Variants in NLRP5 observed in about 807,000 individuals in gnomAD.
NLRP5 encodes the protein NLR family pyrin domain containing 5, also known as NACHT, LRR and PYD domains-containing protein 5.
A neutral mutation model predicts 113.1 loss-of-function variants in NLRP5; 93 were observed. The observed-to-expected ratio is 0.82, with a 90% CI of 0.70 to 0.98. The LOEUF (loss-of-function observed/expected upper bound fraction) is 0.98. Among genes scored for constraint, NLRP5 ranks in the 50% least tolerant of loss-of-function variants. The pLI is 0.00. For missense variants in NLRP5, 1,808 were observed against 1,514.3 expected, an observed-to-expected ratio of 1.19 and a Z score of -3.22; for synonymous variants, 751 against 600.7, an observed-to-expected ratio of 1.25 and a Z score of -3.66.
At chr19:56,009,726 G>A (rs1262665467) in intron 3 of NLRP5, among the ~76,000 whole-genome samples, 6 of 152,122 alleles carry the variant, frequency 3.9e-5, no homozygotes, top group East Asian at 1.9e-4. Context: ...TGCTACCTGC[G>A]CCGCTACCAT....
chr19:56,001,404 C>T (rs1021154220), intron 1 of NLRP5, among the ~76,000 whole-genome samples: 2 of 151,742 alleles, frequency 1.3e-5, no homozygotes, highest in African/African-American at 4.8e-5. Flanking sequence ...TCTTGTCTCC[C>T]ACCTCTACCC....
At chr19:56,007,869 T>TTGTGTG (rs140570438) in intron 2 of NLRP5, among the ~76,000 whole-genome samples, 2,449 of 85,952 alleles carry the variant, frequency 0.028, 435 homozygotes, top group Non-Finnish European at 0.042. Flanking sequence ...ACAAGACAGT[T>TTGTGTG]TGTGTGTGTG....
At chr19:55,991,160 ATCTTGTC>A in the NLRP5 span, among the ~76,000 whole-genome samples, 1 of 152,114 alleles carries the variant, frequency 6.6e-6, no homozygotes, top group South Asian at 2.1e-4. Context: ...TTAATCTGTC[ATCTTGTC>A]TCTTTTATAC....
chr19:56,027,889 G>A lies in NLRP5; in HGVS notation c.1656G>A (p.Met552Ile), dbSNP rs761012006. Residue 552 changes from methionine (M) to isoleucine (I), a missense_variant, in exon 7 of 15, where the codon ATG becomes ATA. Coordinates refer to ENST00000390649, the MANE Select transcript of NLRP5 (RefSeq NM_153447.4). The stretch of plus-strand genomic sequence containing the variant: ...CAGTGTTTGACGGTGACGACCTCAT[G>A]GTTCAAGGACTCGGGGAGTCTGAGC... 2 of 1,613,904 alleles carry A rather than the reference G, an allele frequency of 1.2e-6. No homozygotes were observed. Among genetic ancestry groups the A allele is most frequent in the Middle Eastern group, 1.6e-4 (1 of 6,062 alleles).
chr19:56,043,453 T>G (rs1983593923), intron 11 of NLRP5, among the ~76,000 whole-genome samples: 1 of 151,962 alleles, frequency 6.6e-6, no homozygotes, highest in Non-Finnish European at 1.5e-5. Context: ...GATTGTTTTT[T>G]CTTGGATTTG....
upstream of NLRP5, among the ~76,000 whole-genome samples, chr19:55,998,706 G>GTATATATATATA (rs1388437988): frequency 5.1e-4 from 16 of 31,310 alleles, no homozygotes; most frequent in African/African-American, 1.1e-3. Flanking sequence ...ATATATATGT[G>GTATATATATATA]TGTGTGTGTA....
At chr19:56,019,992 G>A (rs1424037328) in intron 5 of NLRP5, among the ~76,000 whole-genome samples, 7 of 151,820 alleles carry the variant, frequency 4.6e-5, no homozygotes, top group South Asian at 2.1e-4. Context: ...ACCTGCCACT[G>A]TGCCCGACTA....
the NLRP5 span, chr19:55,987,946 G>T: frequency 6.6e-7 from 1 of 1,507,298 alleles, no homozygotes; most frequent in South Asian, 1.1e-5. Context: ...GGGCTTGATT[G>T]ATCAGTTCCC....
At chr19:55,987,837 T>A in the NLRP5 span, 5 of 1,613,850 alleles carry the variant, frequency 3.1e-6, no homozygotes, top group Middle Eastern at 6.6e-4. Context: ...TGGACTCGAA[T>A]AACTAGCTTC....
chr19:56,061,281 C>G (rs1217541096), intron 14 of NLRP5, 115 bp from the exon 15 acceptor site: 1 of 1,120,694 alleles, frequency 8.9e-7, no homozygotes, highest in Non-Finnish European at 1.3e-6. Flanking sequence ...GGGGCACGTT[C>G]CTTAAGAGTA....
rs368107467 is a variant in NLRP5 at position 55,999,822 on chromosome 19, C to T, written c.62+35C>T. On this transcript the variant is annotated intron_variant, in intron 1 of 14. Coordinates refer to ENST00000390649, the MANE Select transcript of NLRP5 (RefSeq NM_153447.4). The stretch of plus-strand genomic sequence containing the variant: ...CTCTTAGAGTTACCTATGAGGAAAC[C>T]GACCCTCAGCCTTGGTACCATGACA... 48 of 1,523,140 alleles carry T rather than the reference C, an allele frequency of 3.2e-5. No individual in the cohort carries two copies. The Middle Eastern group carries it at 8.6e-4, about 27-fold the overall frequency. The allele number at this position is 1,523,140 out of a possible 1,614,324, so 94.4% of individuals were successfully genotyped here. A position where few individuals can be genotyped will look rare whatever the true frequency, so the allele number is the denominator to read the frequency against.
rs200215825 is a variant in NLRP5, at chr19:56,037,714, A to AG, written c.2616-311_2616-310insG. Among the ~76,000 whole-genome samples the AG allele has an allele frequency of 4.5e-3, 591 of 131,720 alleles. 15 individuals carry two copies. Among genetic ancestry groups the AG allele is most frequent in the African/African-American group, 0.017 (557 of 33,346 alleles). 86.4% of individuals were successfully genotyped at this position (131,720 alleles called of 152,430 possible). On this transcript the variant is annotated intron_variant, in intron 9 of 14. Transcript: ENST00000390649. ...GTCTCAAAAAAAAAAAAAAAAAAAA[A>AG]TGTTGGCTGGGGTGGGTTGCTATGA...
At position 56,043,542 on chromosome 19, in the gene NLRP5, CTTTTTTTTTTTTTTTTTTTTTT is replaced by C. The variant is rs369622191; in HGVS notation, c.2957+2470_2957+2491del. Among the ~76,000 whole-genome samples the C allele has an allele frequency of 7.9e-4, 73 of 92,938 alleles. 1 individual carries two copies. Among genetic ancestry groups the C allele is most frequent in the African/African-American group, 3.1e-3 (58 of 18,818 alleles). 61.0% of individuals were successfully genotyped at this position (92,938 alleles called of 152,430 possible). On this transcript the variant is annotated intron_variant, in intron 11 of 14. Transcript: ENST00000390649. ...TGGATTGTCTGTTTACTCTGCTATT[CTTTTTTTTTTTTTTTTTTTTTT>C]TTTTTTTTTTTTTTTTTTTGAGATG...
At chr19:56,032,810 TC>T in intron 8 of NLRP5, 29 bp downstream of exon 8, 1 of 1,578,718 alleles carries the variant, frequency 6.3e-7, no homozygotes, top group East Asian at 2.3e-5. Context: ...TACGAGAGAA[TC>T]CCTTCCCATG....
intron 4 of NLRP5, among the ~76,000 whole-genome samples, chr19:56,018,374 A>G (rs1257149847): frequency 1.3e-5 from 2 of 152,164 alleles, no homozygotes; most frequent in Non-Finnish European, 2.9e-5. Context: ...TTCCTGATAA[A>G]TATATATAGT....
chr19:56,013,457 G>A (rs1404183055), intron 3 of NLRP5, among the ~76,000 whole-genome samples: 1 of 151,992 alleles, frequency 6.6e-6, no homozygotes, highest in African/African-American at 2.4e-5. Flanking sequence ...CTCCCAAAGT[G>A]CTGGGATTTT....
At chr19:56,007,935 T>TGTGTG (rs1982008633) in intron 2 of NLRP5, among the ~76,000 whole-genome samples, 3 of 101,350 alleles carry the variant, frequency 3.0e-5, no homozygotes, top group African/African-American at 1.6e-4. Context: ...GTGTGTGTGT[T>TGTGTG]TGAAACAGAG....
chr19:56,013,546 T>C (rs1330287440), intron 3 of NLRP5, among the ~76,000 whole-genome samples: 1 of 151,548 alleles, frequency 6.6e-6, no homozygotes, highest in Admixed American at 6.6e-5. Flanking sequence ...ACAGTATTCC[T>C]TTTATATATA....
chr19:55,994,899 C>T (rs1282938589), upstream of NLRP5, among the ~76,000 whole-genome samples: 5 of 152,102 alleles, frequency 3.3e-5, no homozygotes, highest in Admixed American at 6.6e-5. Flanking sequence ...TGTTTAAGTA[C>T]TTTATCTTGA....
Sources: allele counts gnomAD v4.1 joint callset (sites outside exome capture counted in the v4.1 genomes callset), GRCh38; gene constraint gnomAD v4.1.1; transcripts MANE v1.5; gene names NCBI Gene and HGNC (gene_info 2026-07-23, HGNC 2026-07-21).